Variants in HIVEP3 observed in about 807,000 individuals in gnomAD.
The protein encoded by HIVEP3 is HIVEP zinc finger 3, also known as transcription factor HIVEP3.
HIVEP3 carries 49 observed loss-of-function variants against 152.8 expected under a neutral mutation model. That is an observed-to-expected ratio of 0.32 (90% confidence interval 0.26 to 0.41). The LOEUF is 0.41. Among genes scored for constraint, HIVEP3 ranks in the 10% least tolerant of loss-of-function variants. HIVEP3 has a pLI of 1.00. For missense variants in HIVEP3, 2,790 were observed against 3,103.3 expected, an observed-to-expected ratio of 0.90 and a Z score of 2.40; for synonymous variants, 1,269 against 1,289.0, an observed-to-expected ratio of 0.98 and a Z score of 0.33.
chr1:41,565,453 T>C (rs1293150027), intron 5 of HIVEP3, among the ~76,000 whole-genome samples: 1 of 151,816 alleles, frequency 6.6e-6, no homozygotes, highest in Non-Finnish European at 1.5e-5. Flanking sequence ...GTACTGCTGT[T>C]TCCCACAACA....
At chr1:41,566,807 G>A (rs1270297767) in intron 5 of HIVEP3, among the ~76,000 whole-genome samples, 3 of 152,068 alleles carry the variant, frequency 2.0e-5, no homozygotes, top group Admixed American at 6.6e-5. Context: ...CTTCTCTGGC[G>A]ATTCCTCCTC....
intron 2 of HIVEP3, among the ~76,000 whole-genome samples, chr1:41,686,453 G>C (rs1439880073): frequency 6.6e-6 from 1 of 152,152 alleles, no homozygotes; most frequent in Non-Finnish European, 1.5e-5. Flanking sequence ...ATACACAATG[G>C]GGAGAAAGCA....
rs114648725 is a variant in HIVEP3, at chr1:41,670,269, C to G, written c.-721+30647G>C. ...AGGGGCAGGGCAGGGACCATCAGCCCCAGTTAATAGATGAGCAAACAGAGG... is the reference window on the plus strand; with the variant it reads ...AGGGGCAGGGCAGGGACCATCAGCCGCAGTTAATAGATGAGCAAACAGAGG... On this transcript the variant is annotated intron_variant, in intron 2 of 8. Transcript: ENST00000372583. 9.0e-3 allele frequency among the ~76,000 whole-genome samples: 1,365 copies of G among 152,230 alleles called. 13 individuals are homozygous for G. The highest frequency in any genetic ancestry group is 0.012 in the Non-Finnish European group (785 of 68,018).
chr1:41,635,749 A>G (rs1298355828), intron 2 of HIVEP3, among the ~76,000 whole-genome samples: 1 of 152,166 alleles, frequency 6.6e-6, no homozygotes, highest in African/African-American at 2.4e-5. Flanking sequence ...AGTAATAGGC[A>G]AAGTCGCAAA....
intron 1 of HIVEP3, among the ~76,000 whole-genome samples, chr1:41,936,337 C>CA (rs1645020352): frequency 6.6e-6 from 1 of 152,110 alleles, no homozygotes; most frequent in African/African-American, 2.4e-5. Context: ...GCAACTGATC[C>CA]AGGGGCTTCT....
intron 1 of HIVEP3, among the ~76,000 whole-genome samples, chr1:41,891,065 C>T (rs1297568842): frequency 6.6e-6 from 1 of 152,198 alleles, no homozygotes; most frequent in East Asian, 1.9e-4. Flanking sequence ...CAGATGGCCA[C>T]TGCCACCTGA....
intron 1 of HIVEP3, among the ~76,000 whole-genome samples, chr1:42,013,690 G>A (rs1025148247): frequency 1.3e-5 from 2 of 152,144 alleles, no homozygotes; most frequent in Admixed American, 6.5e-5. Context: ...AAATGTGCTG[G>A]GTCAAACCCA....
intron 2 of HIVEP3, among the ~76,000 whole-genome samples, chr1:41,673,876 G>A (rs1435635143): frequency 6.6e-6 from 1 of 152,232 alleles, no homozygotes; most frequent in Non-Finnish European, 1.5e-5. Flanking sequence ...TTCGTTAAAA[G>A]CATCACGTTA....
chr1:41,639,973 A>G (rs938242501), intron 2 of HIVEP3, among the ~76,000 whole-genome samples: 1 of 152,218 alleles, frequency 6.6e-6, no homozygotes, highest in Non-Finnish European at 1.5e-5. Flanking sequence ...TTAAAAATAG[A>G]GAATGGTGAT....
chr1:41,755,121 A>G lies in HIVEP3; in HGVS notation c.-800-54126T>C, dbSNP rs1038332473. 2.0e-5 allele frequency among the ~76,000 whole-genome samples: 3 copies of G among 152,242 alleles called. No homozygotes were observed. The South Asian group carries it at 6.2e-4, about 31-fold the overall frequency. On this transcript the variant is annotated intron_variant, in intron 1 of 8. Transcript: ENST00000372583. ...AGGACAGATACATAGGTCACTGGAA[A>G]CAAATAGCGAACCCAGAAATAGTTC... is the stretch of plus-strand genomic sequence containing the variant.
intron 1 of HIVEP3, among the ~76,000 whole-genome samples, chr1:41,777,262 C>T (rs1475128807): frequency 6.6e-6 from 1 of 152,218 alleles, no homozygotes; most frequent in Non-Finnish European, 1.5e-5. Flanking sequence ...CTGATTGTCC[C>T]CGTGACTACC....
At chr1:41,656,475 C>T (rs1214275851) in intron 2 of HIVEP3, among the ~76,000 whole-genome samples, 1 of 152,212 alleles carries the variant, frequency 6.6e-6, no homozygotes, top group Non-Finnish European at 1.5e-5. Context: ...ACCATCTCCC[C>T]ATGCCCGCCT....
At chr1:41,791,903 C>G (rs1649719298) in intron 1 of HIVEP3, among the ~76,000 whole-genome samples, 1 of 151,940 alleles carries the variant, frequency 6.6e-6, no homozygotes, top group Non-Finnish European at 1.5e-5. Context: ...TCAGGCATCA[C>G]ACCCTTCCCC....
chr1:41,844,760 A>C (rs1346413726), intron 1 of HIVEP3, among the ~76,000 whole-genome samples: 1 of 152,218 alleles, frequency 6.6e-6, no homozygotes, highest in African/African-American at 2.4e-5. Context: ...CTAACATCCA[A>C]AGCATAGAAT....
At chr1:41,911,604 G>A (rs1173139528) in intron 1 of HIVEP3, among the ~76,000 whole-genome samples, 1 of 152,044 alleles carries the variant, frequency 6.6e-6, no homozygotes, top group African/African-American at 2.4e-5. Context: ...AATGTTTACA[G>A]CAGCACTATT....
At chr1:41,558,804 C>T (rs1389964559) in intron 5 of HIVEP3, among the ~76,000 whole-genome samples, 1 of 152,224 alleles carries the variant, frequency 6.6e-6, no homozygotes, top group African/African-American at 2.4e-5. Flanking sequence ...GCCCAGTCTG[C>T]CAACTGCACC....
At chr1:41,761,366 ATGTG>A (rs543253126) in intron 1 of HIVEP3, among the ~76,000 whole-genome samples, 1 of 151,922 alleles carries the variant, frequency 6.6e-6, no homozygotes, top group South Asian at 2.1e-4. Context: ...GTGTGTATGC[ATGTG>A]TGTGTGCATG....
Position 41,892,720 on chromosome 1 carries a change from ACT to A in HIVEP3, c.-801+25691_-801+25692del, listed in dbSNP as rs142218634. Among the ~76,000 whole-genome samples, 1,076 of 152,058 alleles carry A rather than the reference ACT, an allele frequency of 7.1e-3. 14 individuals are homozygous for A. Among genetic ancestry groups the A allele is most frequent in the African/African-American group, 0.025 (1,043 of 41,454 alleles). ...AGCATGGGTCAGTGTGGCTGCCTGG[ACT>A]CTGCTGCTGACAGCTGCAGAGAGAA... On this transcript the variant is annotated intron_variant, in intron 1 of 8. Transcript: ENST00000372583.
chr1:41,986,596 A>C (rs1447688447), intron 1 of HIVEP3, among the ~76,000 whole-genome samples: 2 of 151,960 alleles, frequency 1.3e-5, no homozygotes, highest in Non-Finnish European at 2.9e-5. Context: ...GCCCGCCACC[A>C]CGCCCGGCTA....
Sources: gnomAD v4.1 joint callset for allele counts (sites outside exome capture counted in the v4.1 genomes callset) on GRCh38, gnomAD v4.1.1 for gene constraint, MANE v1.5 for transcripts, NCBI Gene and HGNC (gene_info 2026-07-23, HGNC 2026-07-21) for gene names.